Variants in OTULINL observed in about 807,000 individuals in gnomAD.
The protein encoded by OTULINL is OTU deubiquitinase with linear linkage specificity like.
In OTULINL, 42 loss-of-function variants were observed where a neutral mutation model predicts 43.9. The observed-to-expected ratio is 0.96, with a 90% CI of 0.75 to 1.24. The LOEUF is 1.24. Among genes scored for constraint, OTULINL ranks in the 50% most tolerant of loss-of-function variants. The pLI is 0.00. For missense variants in OTULINL, 411 were observed against 426.4 expected, an observed-to-expected ratio of 0.96 and a Z score of 0.32; for synonymous variants, 172 against 153.6, an observed-to-expected ratio of 1.12 and a Z score of -0.88.
chr5:14,614,833 C>T lies in OTULINL; in HGVS notation c.*4519C>T. ...GGTGTCTCGTTCTGTTTAAAAAAAT[C>T]AAATTTCTGTATGTAATTGACGTAT... is the stretch of plus-strand genomic sequence containing the variant. On this transcript the variant is annotated 3_prime_UTR_variant, in exon 8 of 8. Coordinates refer to ENST00000274217, the MANE Select transcript of OTULINL (RefSeq NM_019018.3). The T allele has an allele frequency of 2.5e-6, 1 of 398,152 alleles. No homozygotes were observed. The highest frequency in any genetic ancestry group is 4.4e-6 in the Non-Finnish European group (1 of 226,018). The allele number at this position is 398,152 out of a possible 1,614,324, so 24.7% of individuals were successfully genotyped here. A position where few individuals can be genotyped will look rare whatever the true frequency, so the allele number is the denominator to read the frequency against.
Position 14,592,666 on chromosome 5 carries a change from A to T in OTULINL, c.65-8299A>T, listed in dbSNP as rs1028811096. Among the ~76,000 whole-genome samples, 3 of 152,230 alleles carry T rather than the reference A, an allele frequency of 2.0e-5. No individual in the cohort carries two copies. In the East Asian group the frequency reaches 5.8e-4, roughly 29 times the overall value. ...AAAAAACAAGTAGAATTCTGCCTTT[A>T]GCCCAAAGCATTCTGCAATCCCATG... is the stretch of plus-strand genomic sequence containing the variant. On this transcript the variant is annotated intron_variant, in intron 1 of 7. Transcript: ENST00000274217.
intron 1 of OTULINL, among the ~76,000 whole-genome samples, chr5:14,584,181 C>T (rs1046048592): frequency 4.6e-5 from 7 of 152,168 alleles, no homozygotes; most frequent in Non-Finnish European, 1.0e-4. Context: ...GTGTGCACCC[C>T]ACACTCTTCC....
intron 1 of OTULINL, among the ~76,000 whole-genome samples, chr5:14,594,943 ACT>A (rs1759261310): frequency 6.6e-6 from 1 of 150,896 alleles, no homozygotes; most frequent in Non-Finnish European, 1.5e-5. Context: ...TCTCTTCACC[ACT>A]CTCTCTTCCA....
At position 14,607,344 on chromosome 5, in the gene OTULINL, G is replaced by T; in HGVS notation, c.513G>T (p.Leu171=). ...TCCTTTTCAAGCTTCCTGAAAAACTGCTGTTTTCACAAGGTTGTAATTGGA... is the reference window on the plus strand; with the variant it reads ...TCCTTTTCAAGCTTCCTGAAAAACTTCTGTTTTCACAAGGTTGTAATTGGA... ...EKDIVKLPEK[L]LFSQGCNWIQ... Residue 171 remains leucine, a synonymous_variant, in exon 6 of 8, where the codon CTG becomes CTT. Transcript: ENST00000274217. 1 of 1,612,752 alleles carries T rather than the reference G, an allele frequency of 6.2e-7. No individual in the cohort carries two copies. Among genetic ancestry groups the T allele is most frequent in the South Asian group, 1.1e-5 (1 of 90,578 alleles).
chr5:14,587,390 A>G (rs543976825), intron 1 of OTULINL, among the ~76,000 whole-genome samples: 1 of 152,334 alleles, frequency 6.6e-6, no homozygotes, highest in South Asian at 2.1e-4. Context: ...CATGGGCTGA[A>G]TGTAACCAGT....
At chr5:14,597,260 G>T (rs1338671960) in intron 1 of OTULINL, among the ~76,000 whole-genome samples, 2 of 152,194 alleles carry the variant, frequency 1.3e-5, no homozygotes, top group Non-Finnish European at 2.9e-5. Flanking sequence ...GCCCTGAGAG[G>T]TGGATCCTGC....
intron 5 of OTULINL, among the ~76,000 whole-genome samples, chr5:14,604,276 C>T (rs923502202): frequency 1.3e-5 from 2 of 152,154 alleles, no homozygotes; most frequent in African/African-American, 4.8e-5. Flanking sequence ...TAAGGTTACA[C>T]TGAGCTATGA....
At chr5:14,603,854 T>G (rs970877678) in intron 5 of OTULINL, among the ~76,000 whole-genome samples, 2 of 152,206 alleles carry the variant, frequency 1.3e-5, no homozygotes, top group Non-Finnish European at 2.9e-5. Context: ...AGGAACTACA[T>G]TTAAGGATAG....
At position 14,608,761 on chromosome 5, in the gene OTULINL, A is replaced by T; in HGVS notation, c.641A>T (p.Asn214Ile). 1.9e-6 allele frequency: 3 copies of T among 1,601,770 alleles called. No homozygotes were observed. The highest frequency in any genetic ancestry group is 2.6e-6 in the Non-Finnish European group (3 of 1,170,852). Residue 214 changes from asparagine (N) to isoleucine (I), a missense_variant, in exon 7 of 8, where the codon AAT becomes ATT. Coordinates refer to ENST00000274217, the MANE Select transcript of OTULINL (RefSeq NM_019018.3). ...ATCTGTTTTTAGTGGACTGAATTTA[A>T]TGGCATTAGAGATTATCACAAGAGA... ...ELLKTQWTEF[N>I]GIRDYHKRGS...
At chr5:14,599,834 T>C (rs1235475910) in intron 1 of OTULINL, among the ~76,000 whole-genome samples, 1 of 152,230 alleles carries the variant, frequency 6.6e-6, no homozygotes, top group Non-Finnish European at 1.5e-5. Flanking sequence ...AGTTTTCTCT[T>C]TTGTCAAATC....
In OTULINL at chr5:14,612,625, T is replaced by C; in HGVS notation, c.*2311T>C. On this transcript the variant is annotated 3_prime_UTR_variant, in exon 8 of 8. Transcript: ENST00000274217. Reference sequence around the variant, plus strand: ...TCAGTTGTATAATGAATATAACAAATTAAGTAGCCAGAAGGAGCTGCATGT... The same window carrying C: ...TCAGTTGTATAATGAATATAACAAACTAAGTAGCCAGAAGGAGCTGCATGT... The C allele has an allele frequency of 6.6e-6, 1 of 152,290 alleles. No homozygotes were observed. The highest frequency in any genetic ancestry group is 1.9e-4 in the East Asian group (1 of 5,190). 9.4% of individuals were successfully genotyped at this position (152,290 alleles called of 1,614,324 possible).
chr5:14,592,259 A>T (rs569780606), intron 1 of OTULINL, among the ~76,000 whole-genome samples: 1 of 152,352 alleles, frequency 6.6e-6, no homozygotes, highest in South Asian at 2.1e-4. Flanking sequence ...GAGACTCCCC[A>T]AAGATATCAT....
rs1759559212 is a variant in OTULINL, at chr5:14,610,311, T to C, written c.1068T>C (p.Phe356=). ...ENDRHYHIPV[F] is the part of the protein sequence containing the mutation. ...ACCGCCACTACCACATTCCAGTCTT[T>C]TAAGTCCGCTGGGGGCCGAACAGCA... The change falls in exon 8 of 8, where the codon TTT becomes TTC. Residue 356 remains phenylalanine, a synonymous_variant. Coordinates refer to ENST00000274217, the MANE Select transcript of OTULINL (RefSeq NM_019018.3). The C allele has an allele frequency of 6.2e-7, 1 of 1,612,398 alleles. No individual in the cohort carries two copies. The highest frequency in any genetic ancestry group is 1.1e-5 in the South Asian group (1 of 90,980).
chr5:14,600,880 T>G, intron 1 of OTULINL, 85 bp from the exon 2 acceptor site: 2 of 1,177,800 alleles, frequency 1.7e-6, no homozygotes, highest in Non-Finnish European at 2.2e-6. Flanking sequence ...AATTATGCAA[T>G]CTCTCTCTGC....
intron 1 of OTULINL, among the ~76,000 whole-genome samples, chr5:14,592,301 T>C (rs1473169555): frequency 6.6e-6 from 1 of 152,152 alleles, no homozygotes; most frequent in East Asian, 1.9e-4. Context: ...AGGAGCTGTC[T>C]AAACTATAAG....
rs1225123255 is a variant in OTULINL, at chr5:14,613,516, G to A, written c.*3202G>A. On this transcript the variant is annotated 3_prime_UTR_variant, in exon 8 of 8. Coordinates refer to ENST00000274217, the MANE Select transcript of OTULINL (RefSeq NM_019018.3). Reference sequence around the variant, plus strand: ...GAGTCAGGAGGAGAGAGTTAGGTTAGTTAGTACAACCTAAGAGGGAGTTAA... The same window carrying A: ...GAGTCAGGAGGAGAGAGTTAGGTTAATTAGTACAACCTAAGAGGGAGTTAA... Among the ~76,000 whole-genome samples the A allele has an allele frequency of 6.6e-6, 1 of 152,190 alleles. No individual in the cohort carries two copies. The highest frequency in any genetic ancestry group is 1.5e-5 in the Non-Finnish European group (1 of 68,028).
intron 5 of OTULINL, among the ~76,000 whole-genome samples, chr5:14,606,574 G>A (rs1759481434): frequency 6.6e-6 from 1 of 152,024 alleles, no homozygotes; most frequent in Non-Finnish European, 1.5e-5. Flanking sequence ...CAGTATTATT[G>A]GTATGTTACA....
rs763902840 is a variant in OTULINL, at chr5:14,602,263, A to C, written c.429A>C (p.Ser143=). The C allele has an allele frequency of 1.9e-6, 3 of 1,613,858 alleles. No homozygotes were observed. Among genetic ancestry groups the C allele is most frequent in the Middle Eastern group, 1.6e-4 (1 of 6,062 alleles). The change falls in exon 5 of 8, where the codon TCA becomes TCC. Residue 143 remains serine (S), a synonymous_variant. Coordinates refer to ENST00000274217, the MANE Select transcript of OTULINL (RefSeq NM_019018.3). ...GAGATAACTATGATGCTCTCAGATC[A>C]GTGTTATTTCAGATATTCAGCCAGG... is the stretch of plus-strand genomic sequence containing the variant. The part of the protein sequence containing the change: ...VRRDNYDALR[S]VLFQIFSQGI...
Position 14,614,201 on chromosome 5 carries a change from GTA to G in OTULINL, c.*3897_*3898del, listed in dbSNP as rs34588050. On this transcript the variant is annotated 3_prime_UTR_variant, in exon 8 of 8. Transcript: ENST00000274217. Reference sequence around the variant, plus strand: ...CAGTTAATGTGTAAAACAGAAAAAAGTATATATATATCATATGTCTTTTCATG... The same window carrying G: ...CAGTTAATGTGTAAAACAGAAAAAAGTATATATATCATATGTCTTTTCATG... 6.6e-6 allele frequency among the ~76,000 whole-genome samples: 1 copy of G among 151,718 alleles called. No individual in the cohort carries two copies. Among genetic ancestry groups the G allele is most frequent in the African/African-American group, 2.4e-5 (1 of 41,306 alleles).
Sources: gnomAD v4.1 joint callset for allele counts (sites outside exome capture counted in the v4.1 genomes callset) on GRCh38, gnomAD v4.1.1 for gene constraint, MANE v1.5 for transcripts, NCBI Gene and HGNC (gene_info 2026-07-23, HGNC 2026-07-21) for gene names.